The following KLRG2 variants were observed in gnomAD, a reference collection of about 807,000 sequenced individuals.
The protein encoded by KLRG2 is killer cell lectin like receptor G2.
Under a neutral mutation model 35.4 loss-of-function variants are expected in KLRG2, and 39 were observed. The observed-to-expected ratio is 1.10, with a 90% CI of 0.85 to 1.44. The LOEUF is 1.44. Among genes scored for constraint, KLRG2 ranks in the 40% most tolerant of loss-of-function variants. The pLI is 0.00. For synonymous variants in KLRG2, 283 were observed against 265.8 expected (o/e 1.06, Z -0.63); for missense variants, 632 against 570.9 (o/e 1.11, Z -1.09).
At chr7:139,472,524 C>T (rs1184452153) in intron 3 of KLRG2, among the ~76,000 whole-genome samples, 3 of 151,166 alleles carry the variant, frequency 2.0e-5, no homozygotes, top group African/African-American at 7.3e-5. Context: ...GCAGGAAGAT[C>T]ACTTGAGCCC....
chr7:139,433,321 TG>T, the KLRG2 span, among the ~76,000 whole-genome samples: 2,585 of 144,218 alleles, frequency 0.018, 29 homozygotes, highest in African/African-American at 0.038. Flanking sequence ...GTTTTTTTTT[TG>T]TTTGTTTGTT....
At chr7:139,481,366 TCA>T (rs1044736180) in intron 1 of KLRG2, among the ~76,000 whole-genome samples, 13 of 152,192 alleles carry the variant, frequency 8.5e-5, no homozygotes, top group African/African-American at 3.1e-4. Flanking sequence ...TAATATTCCA[TCA>T]CACAGAAAAT....
At chr7:139,450,806 G>A (rs1281622278), downstream of KLRG2, among the ~76,000 whole-genome samples, 2 of 152,142 alleles carry the variant, frequency 1.3e-5, no homozygotes, top group Non-Finnish European at 2.9e-5. Context: ...ACTGGACACA[G>A]CATAAACAGC....
At chr7:139,433,033 A>G in the KLRG2 span, among the ~76,000 whole-genome samples, 1 of 152,154 alleles carries the variant, frequency 6.6e-6, no homozygotes, top group African/African-American at 2.4e-5. Flanking sequence ...GACTTCGGAC[A>G]CCACTGGTTA....
intron 3 of KLRG2, among the ~76,000 whole-genome samples, chr7:139,473,663 T>C (rs1000804558): frequency 6.6e-6 from 1 of 152,010 alleles, no homozygotes; most frequent in African/African-American, 2.4e-5. Context: ...AACACCAGCA[T>C]CCACAATGAG....
Position 139,453,495 on chromosome 7 carries a change from G to T in KLRG2, c.*92C>A. 1 of 1,371,196 alleles carries T rather than the reference G, an allele frequency of 7.3e-7. No individual in the cohort carries two copies. Among genetic ancestry groups the T allele is most frequent in the Non-Finnish European group, 1.0e-6 (1 of 1,002,194 alleles). The allele number at this position is 1,371,196 out of a possible 1,614,324, so 84.9% of individuals were successfully genotyped here. ...AGAGCATGAAGACCTGGATAACTGG[G>T]TCCAGGAAGAGGCTGCCCAAGCTCT... On this transcript the variant is annotated 3_prime_UTR_variant, in exon 5 of 5. Transcript: ENST00000340940.
intron 1 of KLRG2, among the ~76,000 whole-genome samples, chr7:139,481,752 CCT>C (rs1466595344): frequency 1.3e-5 from 2 of 151,958 alleles, no homozygotes; most frequent in Non-Finnish European, 2.9e-5. Context: ...GATGAAACCC[CCT>C]GTCTACCAAA....
chr7:139,446,774 G>A, the KLRG2 span, among the ~76,000 whole-genome samples: 3 of 151,550 alleles, frequency 2.0e-5, no homozygotes, highest in South Asian at 2.1e-4. Context: ...CTCCTCCTCC[G>A]ACATCGGCTT....
chr7:139,481,714 A>G (rs1277641683), intron 1 of KLRG2, among the ~76,000 whole-genome samples: 1 of 152,136 alleles, frequency 6.6e-6, no homozygotes, highest in Non-Finnish European at 1.5e-5. Context: ...ACCTGAGGTC[A>G]GGAGTTCCAG....
chr7:139,445,767 G>GTATATATATATGTGTGTA, the KLRG2 span, among the ~76,000 whole-genome samples: 3 of 89,634 alleles, frequency 3.3e-5, no homozygotes, highest in African/African-American at 1.0e-4. Flanking sequence ...ATATGTGTAT[G>GTATATATATATGTGTGTA]TATATATATA....
downstream of KLRG2, among the ~76,000 whole-genome samples, chr7:139,450,768 G>A (rs1277316292): frequency 6.6e-6 from 1 of 152,134 alleles, no homozygotes; most frequent in East Asian, 1.9e-4. Flanking sequence ...CTGAGCACTG[G>A]AACTGGGAGA....
chr7:139,456,351 TTTTTTA>T (rs1378853183), intron 3 of KLRG2, among the ~76,000 whole-genome samples: 4 of 152,158 alleles, frequency 2.6e-5, no homozygotes, highest in African/African-American at 9.7e-5. Context: ...GAGCTGTCTC[TTTTTTA>T]TTTTTATTTT....
intron 3 of KLRG2, among the ~76,000 whole-genome samples, chr7:139,468,224 T>C (rs1456856942): frequency 6.6e-6 from 1 of 152,114 alleles, no homozygotes; most frequent in Non-Finnish European, 1.5e-5. Flanking sequence ...ACTCAGAGGC[T>C]GGCGGGATCC....
At chr7:139,450,336 G>C (rs1266393522), downstream of KLRG2, among the ~76,000 whole-genome samples, 1 of 151,916 alleles carries the variant, frequency 6.6e-6, no homozygotes, top group Admixed American at 6.6e-5. Flanking sequence ...CCATTCTCCT[G>C]TCTCAGCCTC....
intron 3 of KLRG2, among the ~76,000 whole-genome samples, chr7:139,475,699 A>T (rs1221506764): frequency 1.3e-5 from 2 of 152,134 alleles, no homozygotes; most frequent in African/African-American, 2.4e-5. Context: ...ACAAACCAGT[A>T]AATGTGTTTC....
intron 3 of KLRG2, among the ~76,000 whole-genome samples, chr7:139,473,241 A>G (rs1263368748): frequency 6.6e-6 from 1 of 152,234 alleles, no homozygotes; most frequent in Non-Finnish European, 1.5e-5. Flanking sequence ...AGATTGCTCC[A>G]GTGCATTCCA....
At chr7:139,445,346 T>C in the KLRG2 span, among the ~76,000 whole-genome samples, 2 of 152,174 alleles carry the variant, frequency 1.3e-5, no homozygotes, top group Non-Finnish European at 2.9e-5. Context: ...CCTCTCAAAG[T>C]GCTGGGATTA....
intron 3 of KLRG2, among the ~76,000 whole-genome samples, chr7:139,478,593 C>T (rs1046968678): frequency 6.6e-6 from 1 of 152,010 alleles, no homozygotes; most frequent in Non-Finnish European, 1.5e-5. Flanking sequence ...TCCCTTCAAC[C>T]CGGGAGGTGA....
At chr7:139,442,225 T>C in the KLRG2 span, among the ~76,000 whole-genome samples, 1 of 152,164 alleles carries the variant, frequency 6.6e-6, no homozygotes, top group Admixed American at 6.5e-5. Context: ...AGACAAGCCT[T>C]GTTTGAAGGA....
Sources: allele counts gnomAD v4.1 joint callset (sites outside exome capture counted in the v4.1 genomes callset), GRCh38; gene constraint gnomAD v4.1.1; transcripts MANE v1.5; gene names NCBI Gene and HGNC (gene_info 2026-07-23, HGNC 2026-07-21).